Variants in SPTY2D1 observed in about 807,000 individuals in gnomAD.
The protein encoded by SPTY2D1 is protein SPT2 homolog.
A neutral mutation model predicts 64.0 loss-of-function variants in SPTY2D1; 21 were observed. The observed-to-expected ratio is 0.33, with a 90% CI of 0.23 to 0.47. The LOEUF (loss-of-function observed/expected upper bound fraction) is 0.47. Ranked by LOEUF, SPTY2D1 falls within the 20% of genes least tolerant of loss-of-function variation. The pLI is 1.00. For missense variants in SPTY2D1, 724 were observed against 837.2 expected (o/e 0.86, Z 1.67); for synonymous variants, 287 against 286.8 (o/e 1.00, Z -0.01).
intron 3 of SPTY2D1, among the ~76,000 whole-genome samples, chr11:18,613,068 CA>C (rs1484267910): frequency 2.0e-5 from 3 of 152,182 alleles, no homozygotes; most frequent in African/African-American, 4.8e-5. Flanking sequence ...CGGCCAAAAT[CA>C]GTAAAATTTC....
In SPTY2D1 at chr11:18,606,872, T is replaced by G; in HGVS notation, c.*2989A>C. On this transcript the variant is annotated 3_prime_UTR_variant, in exon 6 of 6. Coordinates refer to ENST00000336349, the MANE Select transcript of SPTY2D1 (RefSeq NM_194285.3). The stretch of plus-strand genomic sequence containing the variant: ...GAAAATTTGAGTTCCCACATTCTTT[T>G]TTTTTTGACATGGAGTCTCGCTCTG... 2.7e-6 allele frequency: 1 copy of G among 364,470 alleles called. No individual in the cohort carries two copies. The highest frequency in any genetic ancestry group is 5.2e-6 in the Non-Finnish European group (1 of 194,088). The allele number at this position is 364,470 out of a possible 1,614,324, so 22.6% of individuals were successfully genotyped here. A position where few individuals can be genotyped will look rare whatever the true frequency, so the allele number is the denominator to read the frequency against.
rs1854117101 is a variant in SPTY2D1 at position 18,606,887 on chromosome 11, G to A, written c.*2974C>T. ...CACATTCTTTTTTTTTTGACATGGA[G>A]TCTCGCTCTGTCACCCAGCCTGGAG... On this transcript the variant is annotated 3_prime_UTR_variant, in exon 6 of 6. Transcript: ENST00000336349. 1 of 345,512 alleles carries A rather than the reference G, an allele frequency of 2.9e-6. No homozygotes were observed. Among genetic ancestry groups the A allele is most frequent in the South Asian group, 2.2e-5 (1 of 45,158 alleles). 21.4% of individuals were successfully genotyped at this position (345,512 alleles called of 1,614,324 possible).
At chr11:18,617,413 T>A (rs2134112100) in intron 1 of SPTY2D1, among the ~76,000 whole-genome samples, 1 of 152,078 alleles carries the variant, frequency 6.6e-6, no homozygotes, top group Admixed American at 6.5e-5. Flanking sequence ...AATCATGAGA[T>A]CTGGAGTTCG....
chr11:18,625,250 T>C (rs1565162068), intron 1 of SPTY2D1, among the ~76,000 whole-genome samples: 1 of 152,192 alleles, frequency 6.6e-6, no homozygotes, highest in Non-Finnish European at 1.5e-5. Flanking sequence ...ATGGTTCCAT[T>C]AGAACTGCTT....
At chr11:18,629,001 C>T (rs1254457875) in intron 1 of SPTY2D1, among the ~76,000 whole-genome samples, 9 of 152,182 alleles carry the variant, frequency 5.9e-5, no homozygotes, top group Non-Finnish European at 1.2e-4. Flanking sequence ...CTTACTTTCA[C>T]TACCTATGGT....
rs1565159062 is a variant in SPTY2D1 at position 18,615,280 on chromosome 11, T to A, written c.994A>T (p.Thr332Ser). Reference protein sequence around the residue: ...PSVPKTSASRTQKSAVEHKAK... With the variant: ...PSVPKTSASRSQKSAVEHKAK... Reference sequence around the variant, plus strand: ...TTGTGCTCAACAGCAGATTTCTGAGTCCTGCTAGCAGAAGTCTTTGGGACA... The same window carrying A: ...TTGTGCTCAACAGCAGATTTCTGAGACCTGCTAGCAGAAGTCTTTGGGACA... Residue 332 changes from threonine to serine, a missense_variant, in exon 3 of 6, where the codon ACT becomes TCT. This residue lies in a region of SPTY2D1 where 426 missense variants were observed against 431.8 expected (regional missense o/e 0.99). Transcript: ENST00000336349. 6.2e-7 allele frequency: 1 copy of A among 1,614,130 alleles called. No individual in the cohort carries two copies. Among genetic ancestry groups the A allele is most frequent in the Non-Finnish European group, 8.5e-7 (1 of 1,180,010 alleles).
chr11:18,634,058 AC>A, intron 1 of SPTY2D1, 139 bp downstream of exon 1: 2 of 912,378 alleles, frequency 2.2e-6, no homozygotes, highest in South Asian at 3.1e-5. Context: ...AAGAGTATAA[AC>A]CCAAGAAAAG....
intron 1 of SPTY2D1, among the ~76,000 whole-genome samples, chr11:18,619,395 G>C (rs1195087522): frequency 1.3e-5 from 2 of 150,348 alleles, no homozygotes; most frequent in African/African-American, 4.9e-5. Context: ...GAGGCGGGAG[G>C]ACAGCTTGAG....
intron 1 of SPTY2D1, among the ~76,000 whole-genome samples, chr11:18,619,159 G>A (rs1854349493): frequency 6.6e-6 from 1 of 151,976 alleles, no homozygotes; most frequent in Middle Eastern, 3.2e-3. Flanking sequence ...CACAAACATA[G>A]GTATTAATCA....
chr11:18,627,784 C>T (rs907695857), intron 1 of SPTY2D1, among the ~76,000 whole-genome samples: 3 of 151,948 alleles, frequency 2.0e-5, no homozygotes, highest in African/African-American at 7.3e-5. Flanking sequence ...GAGGCTGAGG[C>T]AGGAGAATGG....
chr11:18,613,971 T>C (rs564761888), intron 3 of SPTY2D1, among the ~76,000 whole-genome samples: 9 of 152,300 alleles, frequency 5.9e-5, no homozygotes, highest in African/African-American at 2.2e-4. Context: ...CAGGAAAAAG[T>C]AGATTAATTC....
chr11:18,616,196 A>G, intron 2 of SPTY2D1, 98 bp from the exon 3 acceptor site: 3 of 1,091,908 alleles, frequency 2.7e-6, no homozygotes, highest in South Asian at 1.7e-5. Context: ...GTTTGAAGAC[A>G]TCTAGGAATC....
chr11:18,631,322 A>G (rs973909389), intron 1 of SPTY2D1, among the ~76,000 whole-genome samples: 2 of 152,104 alleles, frequency 1.3e-5, no homozygotes, highest in African/African-American at 4.8e-5. Flanking sequence ...ACCTGTACTC[A>G]CAGCAGTCTG....
At position 18,622,954 on chromosome 11, in the gene SPTY2D1, A is replaced by AAACAACAACAACAACAAC. The variant is rs71050619; in HGVS notation, c.61-5983_61-5966dup. On this transcript the variant is annotated intron_variant, in intron 1 of 5. Coordinates refer to ENST00000336349, the MANE Select transcript of SPTY2D1 (RefSeq NM_194285.3). Reference sequence around the variant, plus strand: ...GCAACAAGAGCAAAACTCTGTCTCAAAACAACAACAACAACAACAACAACA... The same window carrying AAACAACAACAACAACAAC: ...GCAACAAGAGCAAAACTCTGTCTCAAAACAACAACAACAACAACAACAACAACAACAACAACAACAACA... Among the ~76,000 whole-genome samples, 13 of 149,332 alleles carry AAACAACAACAACAACAAC rather than the reference A, an allele frequency of 8.7e-5. No homozygotes were observed. The East Asian group carries it at 1.2e-3, about 14-fold the overall frequency.
chr11:18,609,866 G>A lies in SPTY2D1; in HGVS notation c.2053C>T (p.Arg685Cys), dbSNP rs754368080. ...QRRRAKKLKR[R>C] ...CACAAAAATAAAAGCAGCAGCTAAC[G>A]CCTCTTCAGCTTCTTGGCCCTTCGA... Residue 685 changes from arginine to cysteine, a missense_variant, in exon 6 of 6, where the codon CGT (arginine) becomes TGT (cysteine). Around this residue, in one of 3 missense-constraint regions of SPTY2D1, gnomAD observed 119 missense variants for 172.9 expected, o/e 0.69. Coordinates refer to ENST00000336349, the MANE Select transcript of SPTY2D1 (RefSeq NM_194285.3). 1.3e-5 allele frequency: 21 copies of A among 1,613,854 alleles called. No individual in the cohort carries two copies. Among genetic ancestry groups the A allele is most frequent in the Middle Eastern group, 1.6e-4 (1 of 6,084 alleles).
In SPTY2D1 at chr11:18,612,580, G is replaced by A; in HGVS notation, c.1712-92C>T. The A allele has an allele frequency of 8.4e-7, 1 of 1,192,188 alleles. No homozygotes were observed. Among genetic ancestry groups the A allele is most frequent in the Non-Finnish European group, 1.1e-6 (1 of 884,878 alleles). The allele number at this position is 1,192,188 out of a possible 1,614,324, so 73.9% of individuals were successfully genotyped here. On this transcript the variant is annotated intron_variant, in intron 3 of 5. Transcript: ENST00000336349. This position sits in a 1 kb window ranked among gnomAD's most constrained non-coding sequence, Gnocchi z 4.6. ...GAAATTGTGAGTCATCATTAAGATG[G>A]TATCCTTTAAAACCAGAGCAAGCAG...
At chr11:18,614,270 AAGTT>A (rs1375244999) in intron 3 of SPTY2D1, among the ~76,000 whole-genome samples, 1 of 152,284 alleles carries the variant, frequency 6.6e-6, no homozygotes, top group East Asian at 1.9e-4. Context: ...AAAAAATAAA[AAGTT>A]AGCCAGGCAT....
At position 18,614,991 on chromosome 11, in the gene SPTY2D1, G is replaced by C; in HGVS notation, c.1283C>G (p.Thr428Arg). ...TCCAGGGCCACATGTACCACTGACT[G>C]TCCGCCTAGAGGGATTTGAGTCATT... is the stretch of plus-strand genomic sequence containing the variant. ...PTNDSNPSRRTVSGTCGPGQP... is the reference protein window; with the variant it reads ...PTNDSNPSRRRVSGTCGPGQP... The change falls in exon 3 of 6, where the codon ACA (threonine) becomes AGA (arginine). Residue 428 changes from threonine (T) to arginine (R), a missense_variant. Transcript: ENST00000336349. 6.2e-7 allele frequency: 1 copy of C among 1,614,194 alleles called. No homozygotes were observed.
chr11:18,607,439 CATT>C lies in SPTY2D1; in HGVS notation c.*2419_*2421del, dbSNP rs1212812558. 1 of 152,610 alleles carries C rather than the reference CATT, an allele frequency of 6.6e-6. No individual in the cohort carries two copies. Among genetic ancestry groups the C allele is most frequent in the Non-Finnish European group, 1.5e-5 (1 of 68,044 alleles). 9.5% of individuals were successfully genotyped at this position (152,610 alleles called of 1,614,324 possible). The stretch of plus-strand genomic sequence containing the variant: ...GAATGCCACACCCATGATCATGTAA[CATT>C]ATTACAATCATGAAATATTACTACA... On this transcript the variant is annotated 3_prime_UTR_variant, in exon 6 of 6. Coordinates refer to ENST00000336349, the MANE Select transcript of SPTY2D1 (RefSeq NM_194285.3).
Sources: allele counts gnomAD v4.1 joint callset (sites outside exome capture counted in the v4.1 genomes callset), GRCh38; gene constraint gnomAD v4.1.1; regional missense constraint gnomAD v4.1.1; non-coding constraint Gnocchi (gnomAD v3.1); transcripts MANE v1.5; gene names NCBI Gene and HGNC (gene_info 2026-07-23, HGNC 2026-07-21).